The following IKZF3 variants were observed in gnomAD, a reference collection of about 807,000 sequenced individuals.
IKZF3 encodes the protein IKAROS family zinc finger 3.
In IKZF3, 10 loss-of-function variants were observed where a neutral mutation model predicts 49.0. That is an observed-to-expected ratio of 0.20 (90% confidence interval 0.13 to 0.35). The LOEUF (loss-of-function observed/expected upper bound fraction) is 0.35. Among genes scored for constraint, IKZF3 ranks in the 10% least tolerant of loss-of-function variants. The pLI is 1.00. For synonymous variants in IKZF3, 209 were observed against 228.2 expected, an observed-to-expected ratio of 0.92 and a Z score of 0.76; for missense variants, 498 against 664.8, an observed-to-expected ratio of 0.75 and a Z score of 2.76.
chr17:39,801,813 A>G (rs1002685202), intron 3 of IKZF3, among the ~76,000 whole-genome samples: 2 of 152,220 alleles, frequency 1.3e-5, no homozygotes, highest in Non-Finnish European at 2.9e-5. Flanking sequence ...TTGATTTATA[A>G]AATCTATTAT....
intron 3 of IKZF3, among the ~76,000 whole-genome samples, chr17:39,796,542 C>CTT (rs1224946640): frequency 3.6e-4 from 49 of 135,030 alleles, no homozygotes; most frequent in African/African-American, 8.6e-4. Context: ...ACATTCCTTT[C>CTT]TTTTTTTTTT....
Position 39,863,309 on chromosome 17 carries a change from T to G in IKZF3, c.7+811A>C, listed in dbSNP as rs1210496797. Among the ~76,000 whole-genome samples the G allele has an allele frequency of 3.3e-5, 5 of 152,308 alleles. No homozygotes were observed. The South Asian group carries it at 8.3e-4, about 25-fold the overall frequency. On this transcript the variant is annotated intron_variant, in intron 1 of 7. Transcript: ENST00000346872. Reference sequence around the variant, plus strand: ...TTAATTAGAGATTCTTCCATTATTATGAAGAAAATACCCACGATCTTCATA... The same window carrying G: ...TTAATTAGAGATTCTTCCATTATTAGGAAGAAAATACCCACGATCTTCATA...
intron 6 of IKZF3, among the ~76,000 whole-genome samples, chr17:39,785,618 G>C (rs1357913810): frequency 6.6e-6 from 1 of 152,098 alleles, no homozygotes; most frequent in Non-Finnish European, 1.5e-5. Flanking sequence ...TGAACTTACT[G>C]TTTATAGAGT....
chr17:39,771,318 T>C (rs2060435872), intron 7 of IKZF3, among the ~76,000 whole-genome samples: 1 of 152,220 alleles, frequency 6.6e-6, no homozygotes, highest in African/African-American at 2.4e-5. Flanking sequence ...TGTTATGATA[T>C]CTATAAAGTG....
chr17:39,827,125 G>A (rs2061978248), intron 3 of IKZF3, among the ~76,000 whole-genome samples: 1 of 152,026 alleles, frequency 6.6e-6, no homozygotes, highest in Admixed American at 6.6e-5. Flanking sequence ...AGCCTCCCCA[G>A]TAGCTGGGAT....
At chr17:39,864,049 ACT>A (rs2063294743) in intron 1 of IKZF3, 69 bp downstream of exon 1, 18 of 1,589,622 alleles carry the variant, frequency 1.1e-5, no homozygotes, top group Non-Finnish European at 8.6e-7. Context: ...TTCAGAAGAA[ACT>A]CTTTCTACTG....
intron 7 of IKZF3, among the ~76,000 whole-genome samples, chr17:39,774,340 A>G (rs1209762240): frequency 6.6e-6 from 1 of 151,870 alleles, no homozygotes. Context: ...TGGAGAGGAA[A>G]TATAGGAGAA....
chr17:39,797,010 A>G (rs2061182538), intron 3 of IKZF3, among the ~76,000 whole-genome samples: 1 of 151,320 alleles, frequency 6.6e-6, no homozygotes. Flanking sequence ...TAAAAATACA[A>G]AAAAATTAGC....
chr17:39,769,060 A>C (rs2060369166), intron 7 of IKZF3, among the ~76,000 whole-genome samples: 1 of 152,228 alleles, frequency 6.6e-6, no homozygotes, highest in African/African-American at 2.4e-5. Context: ...AACTGGAAAG[A>C]AAATAATTAT....
At chr17:39,777,905 C>G in intron 6 of IKZF3, 138 bp from the exon 7 acceptor site, 2 of 1,400,720 alleles carry the variant, frequency 1.4e-6, no homozygotes, top group Non-Finnish European at 1.9e-6. Flanking sequence ...TGCTCAGATT[C>G]TTGCCTGGGG....
chr17:39,857,483 C>G (rs1051322497), intron 1 of IKZF3, among the ~76,000 whole-genome samples: 1 of 152,118 alleles, frequency 6.6e-6, no homozygotes, highest in South Asian at 2.1e-4. Flanking sequence ...CAGTGCTTCA[C>G]TGAAATAAAA....
At chr17:39,813,593 G>A (rs917575948) in intron 3 of IKZF3, among the ~76,000 whole-genome samples, 4 of 151,064 alleles carry the variant, frequency 2.6e-5, no homozygotes, top group Non-Finnish European at 4.4e-5. Context: ...GCAGTGAGCC[G>A]AGATCGTGCC....
intron 3 of IKZF3, among the ~76,000 whole-genome samples, chr17:39,805,139 C>A (rs1472608583): frequency 6.6e-6 from 1 of 152,148 alleles, no homozygotes; most frequent in African/African-American, 2.4e-5. Context: ...ATGTCAACGT[C>A]TGTATATTAT....
intron 5 of IKZF3, 67 bp from the exon 6 acceptor site, chr17:39,788,441 T>C: frequency 1.1e-6 from 1 of 930,394 alleles, no homozygotes; most frequent in South Asian, 1.3e-5. Context: ...GTATTGGGGC[T>C]CTGTGACAAC....
intron 3 of IKZF3, among the ~76,000 whole-genome samples, chr17:39,798,990 T>C (rs866615704): frequency 1.9e-5 from 1 of 52,840 alleles, no homozygotes; most frequent in South Asian, 9.5e-4. Context: ...ATTGTGTGTG[T>C]GTGTGCGTGT....
At chr17:39,790,485 A>T (rs780565753) in intron 5 of IKZF3, among the ~76,000 whole-genome samples, 5 of 152,178 alleles carry the variant, frequency 3.3e-5, no homozygotes, top group Non-Finnish European at 7.3e-5. Flanking sequence ...TAGTGGCTGA[A>T]TTATAACAAG....
At chr17:39,856,466 T>G (rs2063061577) in intron 1 of IKZF3, among the ~76,000 whole-genome samples, 2 of 151,804 alleles carry the variant, frequency 1.3e-5, no homozygotes, top group South Asian at 4.2e-4. Flanking sequence ...AGAGATAAGG[T>G]TTCACCATGT....
intron 7 of IKZF3, 97 bp downstream of exon 7, chr17:39,777,554 G>C (rs1243223926): frequency 6.8e-6 from 5 of 735,994 alleles, no homozygotes; most frequent in Non-Finnish European, 1.1e-5. Context: ...TATTTTAACA[G>C]AGGTTAAGCT....
chr17:39,777,776 G>A lies in IKZF3; in HGVS notation c.710-9C>T, dbSNP rs768120543. On this transcript the variant is annotated splice_polypyrimidine_tract_variant and intron_variant, in intron 6 of 7. Coordinates refer to ENST00000346872, the MANE Select transcript of IKZF3 (RefSeq NM_012481.5). ...TCTTGCCTCCGCACTTGCTAGTTTG[G>A]AAAAATGTAAAAAGAAGAGAGAAAA... 7 of 1,606,928 alleles carry A rather than the reference G, an allele frequency of 4.4e-6. No homozygotes were observed. The highest frequency in any genetic ancestry group is 1.7e-5 in the Admixed American group (1 of 58,100).
Sources: allele counts gnomAD v4.1 joint callset (sites outside exome capture counted in the v4.1 genomes callset), GRCh38; gene constraint gnomAD v4.1.1; transcripts MANE v1.5; gene names NCBI Gene and HGNC (gene_info 2026-07-23, HGNC 2026-07-21).